The following CSNK1G1 variants were observed in gnomAD, a reference collection of about 807,000 sequenced individuals.
CSNK1G1 encodes casein kinase I isoform gamma-1.
CSNK1G1 carries 22 observed loss-of-function variants against 59.6 expected under a neutral mutation model. The ratio of observed to expected loss-of-function variants is 0.37; its 90% CI spans 0.26 to 0.53. CSNK1G1 has a LOEUF of 0.53. Ranked by LOEUF, CSNK1G1 falls within the 20% of genes least tolerant of loss-of-function variation. CSNK1G1 has a pLI of 0.89. For synonymous variants in CSNK1G1, 179 were observed against 177.1 expected, an observed-to-expected ratio of 1.01 and a Z score of -0.08; for missense variants, 384 against 519.5, an observed-to-expected ratio of 0.74 and a Z score of 2.54.
chr15:64,271,924 C>A (rs1893330061), intron 2 of CSNK1G1, among the ~76,000 whole-genome samples: 1 of 152,130 alleles, frequency 6.6e-6, no homozygotes, highest in African/African-American at 2.4e-5. Flanking sequence ...CTTTACGAAT[C>A]TGGGTGCTCC....
intron 2 of CSNK1G1, among the ~76,000 whole-genome samples, chr15:64,279,807 A>C (rs1021601073): frequency 6.6e-6 from 1 of 152,056 alleles, no homozygotes; most frequent in East Asian, 1.9e-4. Flanking sequence ...TCCCATCTCT[A>C]CTAAAAATAC....
At position 64,176,492 on chromosome 15, in the gene CSNK1G1, C is replaced by T. The variant is rs1409310609; in HGVS notation, c.1214+3856G>A. ...TTAAAGTGGAGGGTTCGGACAGGAG[C>T]CTGACAGAAGCATCAAGGTGGGAGC... On this transcript the variant is annotated intron_variant, in intron 11 of 11. Transcript: ENST00000303052. The surrounding 1 kb of genome is among the most constrained non-coding windows in gnomAD (Gnocchi z 5.2). Among the ~76,000 whole-genome samples, 3 of 152,146 alleles carry T rather than the reference C, an allele frequency of 2.0e-5. No individual in the cohort carries two copies. Among genetic ancestry groups the T allele is most frequent in the African/African-American group, 7.2e-5 (3 of 41,420 alleles).
intron 1 of CSNK1G1, among the ~76,000 whole-genome samples, chr15:64,307,982 T>C (rs1895776942): frequency 6.6e-6 from 1 of 151,836 alleles, no homozygotes; most frequent in Non-Finnish European, 1.5e-5. Context: ...CACCGCGCCC[T>C]GCCTGTCAGC....
intron 10 of CSNK1G1, 49 bp from the exon 11 acceptor site, chr15:64,180,503 T>A: frequency 6.8e-7 from 1 of 1,478,744 alleles, no homozygotes; most frequent in South Asian, 1.1e-5. Context: ...GCAACAGAAA[T>A]CTCTTGCCAG....
In CSNK1G1 at chr15:64,326,954, C is replaced by A. The variant is rs554544396; in HGVS notation, c.-224-26231G>T. 1.7e-3 allele frequency among the ~76,000 whole-genome samples: 255 copies of A among 150,694 alleles called. 1 individual carries two copies. Among genetic ancestry groups the A allele is most frequent in the Non-Finnish European group, 2.3e-3 (155 of 67,584 alleles). On this transcript the variant is annotated intron_variant, in intron 1 of 11. Transcript: ENST00000303052. Reference sequence around the variant, plus strand: ...TCGGGTCACTCCCACCCGAATATTGCGCTTTTCAGACCGGCTTAAAAAACG... The same window carrying A: ...TCGGGTCACTCCCACCCGAATATTGAGCTTTTCAGACCGGCTTAAAAAACG...
chr15:64,308,357 C>T (rs1566942051), intron 1 of CSNK1G1, among the ~76,000 whole-genome samples: 1 of 152,122 alleles, frequency 6.6e-6, no homozygotes, highest in African/African-American at 2.4e-5. Context: ...CCTTGGCCTC[C>T]CACAGTGTTG....
intron 1 of CSNK1G1, among the ~76,000 whole-genome samples, chr15:64,313,808 CA>C (rs1206541599): frequency 2.1e-5 from 3 of 144,498 alleles, no homozygotes; most frequent in Non-Finnish European, 3.0e-5. Context: ...AAAAAAACCC[CA>C]AAAACCAAGA....
chr15:64,279,071 T>C (rs905748630), intron 2 of CSNK1G1, among the ~76,000 whole-genome samples: 1 of 152,254 alleles, frequency 6.6e-6, no homozygotes, highest in Non-Finnish European at 1.5e-5. Flanking sequence ...TTCAATCCTC[T>C]TGCACAAATG....
intron 1 of CSNK1G1, among the ~76,000 whole-genome samples, chr15:64,350,033 C>T (rs941908426): frequency 6.6e-6 from 1 of 151,968 alleles, no homozygotes; most frequent in African/African-American, 2.4e-5. Flanking sequence ...AAATCCACTA[C>T]TGAAAGAGTA....
chr15:64,310,831 C>A (rs1895955057), intron 1 of CSNK1G1, among the ~76,000 whole-genome samples: 1 of 151,598 alleles, frequency 6.6e-6, no homozygotes, highest in Non-Finnish European at 1.5e-5. Context: ...ATGGTGAAAC[C>A]CCATCTCTAC....
chr15:64,197,833 C>G (rs1377754345), intron 10 of CSNK1G1, among the ~76,000 whole-genome samples: 1 of 152,140 alleles, frequency 6.6e-6, no homozygotes, highest in African/African-American at 2.4e-5. Context: ...AGGAGCTTCA[C>G]CAAATGGTTT....
intron 4 of CSNK1G1, among the ~76,000 whole-genome samples, chr15:64,237,961 C>T (rs1421249699): frequency 6.6e-6 from 1 of 152,164 alleles, no homozygotes; most frequent in Non-Finnish European, 1.5e-5. Context: ...CACTAAGCTT[C>T]TCAGTTGTAT....
At chr15:64,338,910 G>C (rs1241363453) in intron 1 of CSNK1G1, among the ~76,000 whole-genome samples, 1 of 150,912 alleles carries the variant, frequency 6.6e-6, no homozygotes, top group Admixed American at 6.6e-5. Flanking sequence ...ACAGCTACTT[G>C]AGAGGCTGAG....
intron 1 of CSNK1G1, among the ~76,000 whole-genome samples, chr15:64,346,502 G>T (rs1897987975): frequency 6.6e-6 from 1 of 151,344 alleles, no homozygotes; most frequent in Non-Finnish European, 1.5e-5. Context: ...TTGTTGCCCA[G>T]ACAGGAGTAC....
intron 4 of CSNK1G1, among the ~76,000 whole-genome samples, chr15:64,219,933 C>T (rs1354905145): frequency 6.6e-6 from 1 of 151,910 alleles, no homozygotes; most frequent in Non-Finnish European, 1.5e-5. Flanking sequence ...ACCACCACAC[C>T]TAGCTAATTT....
chr15:64,305,715 C>A (rs1017499147), intron 1 of CSNK1G1, among the ~76,000 whole-genome samples: 1,248 of 106,826 alleles, frequency 0.012, 13 homozygotes, highest in African/African-American at 0.036. Context: ...AAAACAAAAA[C>A]AAAAACAAAA....
intron 10 of CSNK1G1, among the ~76,000 whole-genome samples, chr15:64,187,433 C>G (rs1475220294): frequency 6.6e-6 from 1 of 151,958 alleles, no homozygotes; most frequent in African/African-American, 2.4e-5. Flanking sequence ...CTCCTGACTT[C>G]AAGTGATCCA....
Position 64,182,166 on chromosome 15 carries a change from C to T in CSNK1G1, c.1108-1712G>A, listed in dbSNP as rs545664524. Among the ~76,000 whole-genome samples, 12 of 146,018 alleles carry T rather than the reference C, an allele frequency of 8.2e-5. No homozygotes were observed. The East Asian group carries it at 1.2e-3, about 15-fold the overall frequency. ...GCAACCTCTACCTCCCAGGTTCAAG[C>T]GGTTCTCCTGCCTCAGTCTCCTGAG... On this transcript the variant is annotated intron_variant, in intron 10 of 11. Transcript: ENST00000303052.
chr15:64,339,560 G>A (rs940159161), intron 1 of CSNK1G1, among the ~76,000 whole-genome samples: 26 of 152,050 alleles, frequency 1.7e-4, no homozygotes, highest in Non-Finnish European at 3.4e-4. Context: ...TGATCCACCC[G>A]CCTCGGCCTC....
Sources: gnomAD v4.1 joint callset for allele counts (sites outside exome capture counted in the v4.1 genomes callset) on GRCh38, gnomAD v4.1.1 for gene constraint, Gnocchi (gnomAD v3.1) non-coding constraint, MANE v1.5 for transcripts, NCBI Gene and HGNC (gene_info 2026-07-23, HGNC 2026-07-21) for gene names.